JAKMIP1: variants seen among roughly 807,000 people sequenced by gnomAD.
The protein encoded by JAKMIP1 is janus kinase and microtubule interacting protein 1.
Under a neutral mutation model 113.0 loss-of-function variants are expected in JAKMIP1, and 33 were observed. The observed-to-expected ratio is 0.29, with a 90% CI of 0.22 to 0.39. The LOEUF is 0.39. Among genes scored for constraint, JAKMIP1 ranks in the 10% least tolerant of loss-of-function variants. The pLI is 1.00. For synonymous variants in JAKMIP1, 480 were observed against 459.9 expected, an observed-to-expected ratio of 1.04 and a Z score of -0.56; for missense variants, 813 against 1,080.5, an observed-to-expected ratio of 0.75 and a Z score of 3.47.
intron 3 of JAKMIP1, among the ~76,000 whole-genome samples, chr4:6,087,914 G>A (rs1469929149): frequency 1.3e-5 from 2 of 152,108 alleles, no homozygotes; most frequent in South Asian, 2.1e-4. Context: ...GCATCTACCT[G>A]CTTGGGCCAA....
Position 6,040,515 on chromosome 4 carries a change from G to T in JAKMIP1, c.2175+124C>A, listed in dbSNP as rs1714173959. The T allele has an allele frequency of 4.1e-6, 3 of 726,354 alleles. No individual in the cohort carries two copies. Among genetic ancestry groups the T allele is most frequent in the Non-Finnish European group, 7.6e-6 (3 of 394,624 alleles). 45.0% of individuals were successfully genotyped at this position (726,354 alleles called of 1,614,324 possible). A position where few individuals can be genotyped will look rare whatever the true frequency, so the allele number is the denominator to read the frequency against. On this transcript the variant is annotated intron_variant, in intron 18 of 20. Coordinates refer to ENST00000409021, the MANE Select transcript of JAKMIP1 (RefSeq NM_001099433.2). This position sits in a 1 kb window ranked among gnomAD's most constrained non-coding sequence, Gnocchi z 5.8. ...TCATTCCAGTCACAAGGTGGAGATG[G>T]CATTTTTATCACTCCTGTTTGGCAC...
rs1718265755 is a variant in JAKMIP1 at position 6,067,484 on chromosome 4, C to A, written c.1303-2476G>T. The stretch of plus-strand genomic sequence containing the variant: ...CCCTCTGGATGAGAACCCCACCCGA[C>A]TTCAGGCATCATGGACTCTTCCAAC... On this transcript the variant is annotated intron_variant, in intron 8 of 20. Coordinates refer to ENST00000409021, the MANE Select transcript of JAKMIP1 (RefSeq NM_001099433.2). The surrounding 1 kb of genome is among the most constrained non-coding windows in gnomAD (Gnocchi z 4.6). 4.6e-5 allele frequency among the ~76,000 whole-genome samples: 7 copies of A among 152,172 alleles called. No individual in the cohort carries two copies. Among genetic ancestry groups the A allele is most frequent in the Admixed American group, 3.9e-4 (6 of 15,274 alleles).
Position 6,187,537 on chromosome 4 carries a change from T to C in JAKMIP1, c.-148+12716A>G, listed in dbSNP as rs1298994137. Reference sequence around the variant, plus strand: ...GGCGAGCCCTCATAAATGAGATTAGTGCCTTTGTAAAAGAAACCCTAGGGA... The same window carrying C: ...GGCGAGCCCTCATAAATGAGATTAGCGCCTTTGTAAAAGAAACCCTAGGGA... On this transcript the variant is annotated intron_variant, in intron 1 of 20. Transcript: ENST00000409021. The surrounding 1 kb of genome is among the most constrained non-coding windows in gnomAD (Gnocchi z 4.2). Among the ~76,000 whole-genome samples the C allele has an allele frequency of 3.3e-5, 5 of 152,366 alleles. No individual in the cohort carries two copies. In the East Asian group the frequency reaches 7.7e-4, roughly 24 times the overall value.
rs370345638 is a variant in JAKMIP1 at position 6,108,048 on chromosome 4, G to C, written c.130-2081C>G. The stretch of plus-strand genomic sequence containing the variant: ...GGCAGAGGCCTGTGCAGGGCAGCCC[G>C]GGGCGTCTAGGGGCTGCTTCCTGGG... On this transcript the variant is annotated intron_variant, in intron 2 of 20. Transcript: ENST00000409021. This position sits in a 1 kb window ranked among gnomAD's most constrained non-coding sequence, Gnocchi z 5.6. 6.6e-6 allele frequency among the ~76,000 whole-genome samples: 1 copy of C among 152,150 alleles called. No individual in the cohort carries two copies. Among genetic ancestry groups the C allele is most frequent in the Non-Finnish European group, 1.5e-5 (1 of 68,020 alleles).
Position 6,168,021 on chromosome 4 carries a change from A to C in JAKMIP1, c.-148+32232T>G, listed in dbSNP as rs35169725. On this transcript the variant is annotated intron_variant, in intron 1 of 20. Transcript: ENST00000409021. This position sits in a 1 kb window ranked among gnomAD's most constrained non-coding sequence, Gnocchi z 4.6. The stretch of plus-strand genomic sequence containing the variant: ...CAACAGGGAAGACACACAAATGGCC[A>C]AGGAGCACCTGAAGAGACGCTCAAC... 0.016 allele frequency among the ~76,000 whole-genome samples: 2,494 copies of C among 152,068 alleles called. 17 individuals carry two copies. Among genetic ancestry groups the C allele is most frequent in the Middle Eastern group, 0.048 (14 of 294 alleles).
rs1454031065 is a variant in JAKMIP1, at chr4:6,115,305, G to A, written c.-147-2308C>T. ...CGCACCTGTAATTCCAGTTACTCAGGAGGCTGAGACAGGAGAATTGCTTGA... is the reference window on the plus strand; with the variant it reads ...CGCACCTGTAATTCCAGTTACTCAGAAGGCTGAGACAGGAGAATTGCTTGA... On this transcript the variant is annotated intron_variant, in intron 1 of 20. Coordinates refer to ENST00000409021, the MANE Select transcript of JAKMIP1 (RefSeq NM_001099433.2). 2.0e-5 allele frequency among the ~76,000 whole-genome samples: 3 copies of A among 152,308 alleles called. 1 individual carries two copies. The highest frequency in any genetic ancestry group is 4.1e-4 in the South Asian group (2 of 4,824).
Position 6,085,577 on chromosome 4 carries a change from A to C in JAKMIP1, c.677T>G (p.Leu226Arg), listed in dbSNP as rs756032520. The C allele has an allele frequency of 6.2e-7, 1 of 1,614,216 alleles. No individual in the cohort carries two copies. The highest frequency in any genetic ancestry group is 1.1e-5 in the South Asian group (1 of 91,084). ...DRVILALEKELGVQAGQTQKL... is the reference protein window; with the variant it reads ...DRVILALEKERGVQAGQTQKL... ...CTGGGTCTGCCCAGCCTGCACGCCA[A>C]GTTCCTTCTCCAAGGCCAGAATCAC... The change falls in exon 4 of 21, where the codon CTT becomes CGT. Residue 226 changes from leucine (L) to arginine (R), a missense_variant. By Grantham distance (102) the Leu-to-Arg change is moderately radical (BLOSUM62 -2). This residue lies in a region of JAKMIP1 where 540 missense variants were observed against 653.9 expected (regional missense o/e 0.83). Coordinates refer to ENST00000409021, the MANE Select transcript of JAKMIP1 (RefSeq NM_001099433.2).
At position 6,135,910 on chromosome 4, in the gene JAKMIP1, G is replaced by C. The variant is rs1288809633; in HGVS notation, c.-147-22913C>G. Among the ~76,000 whole-genome samples, 1 of 151,410 alleles carries C rather than the reference G, an allele frequency of 6.6e-6. No individual in the cohort carries two copies. The highest frequency in any genetic ancestry group is 1.5e-5 in the Non-Finnish European group (1 of 67,876). ...TTAAGAAATGGTGGGGGGAGAGGTG[G>C]GGGGGGACAGCAAAAATAAGGAGTG... On this transcript the variant is annotated intron_variant, in intron 1 of 20. Coordinates refer to ENST00000409021, the MANE Select transcript of JAKMIP1 (RefSeq NM_001099433.2). The surrounding 1 kb of genome is among the most constrained non-coding windows in gnomAD (Gnocchi z 4.9).
chr4:6,066,884 C>A (rs1044219773), intron 8 of JAKMIP1, among the ~76,000 whole-genome samples: 1 of 152,204 alleles, frequency 6.6e-6, no homozygotes, highest in Non-Finnish European at 1.5e-5. Context: ...CCCTCCCTCT[C>A]CTCCTCCGCT....
At chr4:6,082,113 C>T (rs998876787) in intron 5 of JAKMIP1, among the ~76,000 whole-genome samples, 5 of 152,076 alleles carry the variant, frequency 3.3e-5, no homozygotes, top group African/African-American at 7.2e-5. Flanking sequence ...CCTTCCCCAT[C>T]CGCATTTTAT....
chr4:6,072,717 G>A (rs909558785), intron 8 of JAKMIP1, among the ~76,000 whole-genome samples: 15 of 152,332 alleles, frequency 9.8e-5, no homozygotes, highest in Admixed American at 3.3e-4. Context: ...GGTGACAGCC[G>A]TGGGGAAGGC....
intron 16 of JAKMIP1, among the ~76,000 whole-genome samples, chr4:6,046,402 C>A (rs1433407999): frequency 6.6e-6 from 1 of 152,252 alleles, no homozygotes; most frequent in African/African-American, 2.4e-5. Context: ...GTCTATTCCT[C>A]AAAGACGCGG....
intron 8 of JAKMIP1, among the ~76,000 whole-genome samples, chr4:6,068,006 T>G (rs1333722879): frequency 6.6e-6 from 1 of 152,168 alleles, no homozygotes; most frequent in Non-Finnish European, 1.5e-5. Context: ...TCCAAACATT[T>G]AGAACACACT....
intron 17 of JAKMIP1, among the ~76,000 whole-genome samples, chr4:6,041,942 A>G (rs1434688806): frequency 6.6e-6 from 1 of 152,254 alleles, no homozygotes; most frequent in Non-Finnish European, 1.5e-5. Context: ...CACCTGGGAC[A>G]CAGCAGAGGC....
At position 6,105,952 on chromosome 4, in the gene JAKMIP1, C is replaced by T; in HGVS notation, c.145G>A (p.Glu49Lys). 6.3e-7 allele frequency: 1 copy of T among 1,599,178 alleles called. No homozygotes were observed. The highest frequency in any genetic ancestry group is 8.5e-7 in the Non-Finnish European group (1 of 1,173,404). Residue 49 changes from glutamate to lysine, a missense_variant, in exon 3 of 21, where the codon GAG becomes AAG. Glu to Lys is a moderately conservative substitution (Grantham distance 56). Coordinates refer to ENST00000409021, the MANE Select transcript of JAKMIP1 (RefSeq NM_001099433.2). Reference sequence around the variant, plus strand: ...TCCAGCTTCGCCTCCTGCAGCCGCTCGCGCAGTTTGCCCACCTGCAGCCAG... The same window carrying T: ...TCCAGCTTCGCCTCCTGCAGCCGCTTGCGCAGTTTGCCCACCTGCAGCCAG... ...QEKSKVGKLRERLQEAKLERE... is the reference protein window; with the variant it reads ...QEKSKVGKLRKRLQEAKLERE...
chr4:6,130,496 C>A (rs1427213046), intron 1 of JAKMIP1, among the ~76,000 whole-genome samples: 2 of 152,054 alleles, frequency 1.3e-5, no homozygotes, highest in African/African-American at 2.4e-5. Flanking sequence ...TGGCTCTCAA[C>A]AAAAAACATT....
At chr4:6,041,728 T>C (rs558623207) in intron 17 of JAKMIP1, among the ~76,000 whole-genome samples, 1 of 152,312 alleles carries the variant, frequency 6.6e-6, no homozygotes, top group South Asian at 2.1e-4. Context: ...TTCCCAAGTT[T>C]TCATGGCCAG....
rs958266400 is a variant in JAKMIP1 at position 6,094,490 on chromosome 4, C to T, written c.625-8861G>A. On this transcript the variant is annotated intron_variant, in intron 3 of 20. Coordinates refer to ENST00000409021, the MANE Select transcript of JAKMIP1 (RefSeq NM_001099433.2). The surrounding 1 kb of genome is among the most constrained non-coding windows in gnomAD (Gnocchi z 4.2). ...GCATGGGAGTAAACAAACCTACCAA[C>T]CTCCGGGGCCCCTGGGGTCTCAGGA... 5.3e-5 allele frequency among the ~76,000 whole-genome samples: 8 copies of T among 152,138 alleles called. No individual in the cohort carries two copies. Among genetic ancestry groups the T allele is most frequent in the Non-Finnish European group, 1.0e-4 (7 of 68,024 alleles).
At chr4:6,130,809 C>T (rs750609685) in intron 1 of JAKMIP1, among the ~76,000 whole-genome samples, 3 of 151,664 alleles carry the variant, frequency 2.0e-5, no homozygotes, top group Admixed American at 6.6e-5. Flanking sequence ...CTTCAACATA[C>T]GTCAATAGAA....
Sources: gnomAD v4.1 joint callset for allele counts (sites outside exome capture counted in the v4.1 genomes callset) on GRCh38, gnomAD v4.1.1 for gene constraint, gnomAD v4.1.1 regional missense constraint, Gnocchi (gnomAD v3.1) non-coding constraint, MANE v1.5 for transcripts, NCBI Gene and HGNC (gene_info 2026-07-23, HGNC 2026-07-21) for gene names.